The following GRIK4 variants were observed in gnomAD, a reference collection of about 807,000 sequenced individuals.
GRIK4 encodes the protein glutamate ionotropic receptor kainate type subunit 4.
Under a neutral mutation model 104.9 loss-of-function variants are expected in GRIK4, and 40 were observed. That is an observed-to-expected ratio of 0.38 (90% CI 0.30 to 0.50). The LOEUF is 0.50. GRIK4 is among the 20% of genes least tolerant of loss of function. The pLI, the probability that GRIK4 is intolerant of heterozygous loss-of-function variation, is 0.93. For missense variants in GRIK4, 1,047 were observed against 1,308.1 expected, an observed-to-expected ratio of 0.80 and a Z score of 3.08; for synonymous variants, 485 against 524.9, an observed-to-expected ratio of 0.92 and a Z score of 1.04.
At chr11:120,797,385 A>T (rs574903342) in intron 3 of GRIK4, among the ~76,000 whole-genome samples, 16 of 152,318 alleles carry the variant, frequency 1.1e-4, no homozygotes, top group African/African-American at 3.6e-4. Flanking sequence ...AGTGCAGGCT[A>T]TGAGCGTTCA....
intron 1 of GRIK4, among the ~76,000 whole-genome samples, chr11:120,632,043 C>G (rs567457723): frequency 6.6e-6 from 1 of 152,332 alleles, no homozygotes; most frequent in Admixed American, 6.5e-5. Flanking sequence ...CTGCTGTGGA[C>G]TGAATGTTTG....
chr11:120,908,946 C>T (rs967152670), intron 13 of GRIK4, among the ~76,000 whole-genome samples: 2 of 152,256 alleles, frequency 1.3e-5, no homozygotes, highest in Non-Finnish European at 2.9e-5. Context: ...GTGACCCTCT[C>T]CTTGCCCGCA....
chr11:120,697,998 C>T (rs1431128758), intron 3 of GRIK4, among the ~76,000 whole-genome samples: 1 of 151,970 alleles, frequency 6.6e-6, no homozygotes, highest in Non-Finnish European at 1.5e-5. Flanking sequence ...GGTGGGGTGG[C>T]GTGGTTTGGC....
chr11:120,643,577 A>G (rs977425558), intron 1 of GRIK4, among the ~76,000 whole-genome samples: 2 of 152,212 alleles, frequency 1.3e-5, no homozygotes, highest in Non-Finnish European at 2.9e-5. Flanking sequence ...TACTTGTTAA[A>G]TCTAGTCTGG....
intron 14 of GRIK4, among the ~76,000 whole-genome samples, chr11:120,941,448 C>T (rs909077398): frequency 6.6e-6 from 1 of 152,142 alleles, no homozygotes; most frequent in East Asian, 1.9e-4. Context: ...AGCCTATGCT[C>T]CCAACCCTGT....
chr11:120,661,279 G>A (rs1441534642), intron 3 of GRIK4, among the ~76,000 whole-genome samples: 1 of 152,138 alleles, frequency 6.6e-6, no homozygotes, highest in South Asian at 2.1e-4. Flanking sequence ...GGTGGGTGGG[G>A]CACAGCAGTG....
At chr11:120,714,638 G>A (rs1000242392) in intron 3 of GRIK4, among the ~76,000 whole-genome samples, 1 of 152,228 alleles carries the variant, frequency 6.6e-6, no homozygotes, top group Non-Finnish European at 1.5e-5. Flanking sequence ...CCTGGTCTGG[G>A]AGTTAAGGAT....
chr11:120,854,203 C>T (rs1954046716), intron 8 of GRIK4, among the ~76,000 whole-genome samples: 1 of 152,192 alleles, frequency 6.6e-6, no homozygotes, highest in Non-Finnish European at 1.5e-5. Flanking sequence ...GGCTGCCAGC[C>T]TCCTCTCCCA....
At chr11:120,851,197 C>G (rs1214844895) in intron 8 of GRIK4, among the ~76,000 whole-genome samples, 2 of 152,158 alleles carry the variant, frequency 1.3e-5, no homozygotes, top group Non-Finnish European at 2.9e-5. Context: ...AGGATAAAGT[C>G]TGAACTCCTT....
intron 1 of GRIK4, among the ~76,000 whole-genome samples, chr11:120,529,278 T>G (rs543386825): frequency 6.6e-6 from 1 of 152,346 alleles, no homozygotes; most frequent in Admixed American, 6.5e-5. Context: ...TGCCACACTT[T>G]AACACAGTGT....
intron 1 of GRIK4, among the ~76,000 whole-genome samples, chr11:120,649,901 G>A (rs1360975235): frequency 6.6e-6 from 1 of 152,252 alleles, no homozygotes; most frequent in Non-Finnish European, 1.5e-5. Flanking sequence ...AGGTGTCTCT[G>A]CTCTAAGTGT....
chr11:120,830,193 A>G (rs1953384399), intron 6 of GRIK4, among the ~76,000 whole-genome samples: 2 of 151,578 alleles, frequency 1.3e-5, no homozygotes, highest in Non-Finnish European at 2.9e-5. Flanking sequence ...TGAAGAAAAA[A>G]AAAAAAAAAA....
chr11:120,914,114 T>C (rs1208431967), intron 13 of GRIK4, among the ~76,000 whole-genome samples: 2 of 152,256 alleles, frequency 1.3e-5, no homozygotes, highest in Non-Finnish European at 2.9e-5. Context: ...GCTTCTGTTA[T>C]AATTCAACCA....
chr11:120,658,539 T>C (rs900007893), intron 2 of GRIK4, among the ~76,000 whole-genome samples: 1 of 152,126 alleles, frequency 6.6e-6, no homozygotes, highest in Non-Finnish European at 1.5e-5. Flanking sequence ...ACACTTAATG[T>C]TGTCTTTTTT....
chr11:120,848,628 A>C (rs1227446525), intron 8 of GRIK4, among the ~76,000 whole-genome samples: 1 of 152,156 alleles, frequency 6.6e-6, no homozygotes, highest in Non-Finnish European at 1.5e-5. Flanking sequence ...ACCCACAGCA[A>C]GAGTTGGTCT....
At chr11:120,563,172 C>T (rs960548539) in intron 1 of GRIK4, among the ~76,000 whole-genome samples, 1 of 152,220 alleles carries the variant, frequency 6.6e-6, no homozygotes, top group African/African-American at 2.4e-5. Flanking sequence ...ATTAGACATA[C>T]TCGCAGTGTC....
intron 8 of GRIK4, among the ~76,000 whole-genome samples, chr11:120,847,070 C>G (rs1451344420): frequency 6.6e-6 from 1 of 152,200 alleles, no homozygotes; most frequent in African/African-American, 2.4e-5. Context: ...ATCTGAAAAT[C>G]CAGTTCGTGC....
chr11:120,638,581 C>A (rs191258144), intron 1 of GRIK4, among the ~76,000 whole-genome samples: 3 of 151,790 alleles, frequency 2.0e-5, no homozygotes. Context: ...GGGTTCACGC[C>A]ATTCTCCTGC....
rs754880684 is a variant in GRIK4 at position 120,819,949 on chromosome 11, A to G, written c.511+29A>G. 6 of 1,609,408 alleles carry G rather than the reference A, an allele frequency of 3.7e-6. No homozygotes were observed. The highest frequency in any genetic ancestry group is 5.1e-6 in the Non-Finnish European group (6 of 1,177,570). ...AGTTTCCCCAGGCTGGCTCTGCCCC[A>G]GACAGTCCAGTCTTGTTGATTTTGC... is the stretch of plus-strand genomic sequence containing the variant. On this transcript the variant is annotated intron_variant, in intron 6 of 20. Coordinates refer to ENST00000527524, the MANE Select transcript of GRIK4 (RefSeq NM_014619.5). The surrounding 1 kb of genome is among the most constrained non-coding windows in gnomAD (Gnocchi z 4.3).
Sources: allele counts gnomAD v4.1 joint callset (sites outside exome capture counted in the v4.1 genomes callset), GRCh38; gene constraint gnomAD v4.1.1; non-coding constraint Gnocchi (gnomAD v3.1); transcripts MANE v1.5; gene names NCBI Gene and HGNC (gene_info 2026-07-23, HGNC 2026-07-21).